SEMA4F: variants seen among roughly 807,000 people sequenced by gnomAD.
The protein encoded by SEMA4F is ssemaphorin 4F.
Under a neutral mutation model 78.4 loss-of-function variants are expected in SEMA4F, and 51 were observed. That is an observed-to-expected ratio of 0.65 (90% CI 0.52 to 0.82). SEMA4F has a LOEUF of 0.82. Ranked by LOEUF, SEMA4F falls within the 40% of genes least tolerant of loss-of-function variation. SEMA4F has a pLI of 0.00. For missense variants in SEMA4F, 938 were observed against 1,014.4 expected, an observed-to-expected ratio of 0.92 and a Z score of 1.02; for synonymous variants, 418 against 408.7, an observed-to-expected ratio of 1.02 and a Z score of -0.27.
At chr2:74,667,569 CT>C (rs1323261883) in intron 5 of SEMA4F, among the ~76,000 whole-genome samples, 10 of 152,166 alleles carry the variant, frequency 6.6e-5, no homozygotes, top group Non-Finnish European at 1.2e-4. Flanking sequence ...ACTTCTATTT[CT>C]TTTGGGAAAG....
the SEMA4F span, among the ~76,000 whole-genome samples, chr2:74,693,202 T>G: frequency 6.6e-6 from 1 of 152,386 alleles, no homozygotes; most frequent in South Asian, 2.1e-4. Context: ...TGTTATTCTA[T>G]ATCATCATCC....
At position 74,680,275 on chromosome 2, in the gene SEMA4F, G is replaced by A. The variant is rs1235261921; in HGVS notation, c.*66G>A. On this transcript the variant is annotated 3_prime_UTR_variant, in exon 14 of 14. Coordinates refer to ENST00000357877, the MANE Select transcript of SEMA4F (RefSeq NM_004263.5). Reference sequence around the variant, plus strand: ...ACGGAGTGACCACTGAGATGCTGGGGGTCACTGGGCCTGGAAGACCATCCC... The same window carrying A: ...ACGGAGTGACCACTGAGATGCTGGGAGTCACTGGGCCTGGAAGACCATCCC... 2.0e-6 allele frequency: 3 copies of A among 1,500,170 alleles called. No homozygotes were observed. Among genetic ancestry groups the A allele is most frequent in the South Asian group, 1.4e-5 (1 of 73,420 alleles). 92.9% of individuals were successfully genotyped at this position (1,500,170 alleles called of 1,614,324 possible). A position where few individuals can be genotyped will look rare whatever the true frequency, so the allele number is the denominator to read the frequency against.
chr2:74,675,245 C>T lies in SEMA4F; in HGVS notation c.1233C>T (p.His411=). The change falls in exon 10 of 14, where the codon CAC becomes CAT. Residue 411 remains histidine, a synonymous_variant. Transcript: ENST00000357877. ...PDRVLTFIRD[H]PLMDRPVFPA... is the part of the protein sequence containing the mutation. ...GCGTACTCACCTTCATCCGGGACCA[C>T]CCACTCATGGACAGGCCAGTGTTTC... is the stretch of plus-strand genomic sequence containing the variant. 6.2e-7 allele frequency: 1 copy of T among 1,614,202 alleles called. No individual in the cohort carries two copies. Among genetic ancestry groups the T allele is most frequent in the East Asian group, 2.2e-5 (1 of 44,884 alleles).
the SEMA4F span, among the ~76,000 whole-genome samples, chr2:74,689,929 A>G: frequency 6.6e-6 from 1 of 152,350 alleles, no homozygotes; most frequent in African/African-American, 2.4e-5. Context: ...TGTCCTGGCT[A>G]ATAGGAATGA....
Position 74,680,077 on chromosome 2 carries a change from G to A in SEMA4F, c.2181G>A (p.Pro727=), listed in dbSNP as rs772548694. 23 of 1,613,888 alleles carry A rather than the reference G, an allele frequency of 1.4e-5. No individual in the cohort carries two copies. The Admixed American group carries it at 1.7e-4, about 12-fold the overall frequency. Residue 727 remains proline, a synonymous_variant, in exon 14 of 14, where the codon CCG becomes CCA. Transcript: ENST00000357877. The part of the protein sequence containing the change: ...PSPSPEDERL[P]LALAKRGSGF... ...CCTCTCCTGAAGATGAGCGGTTGCC[G>A]CTGGCCCTGGCCAAGAGGGGCAGTG...
At chr2:74,659,558 G>T (rs1684329029) in intron 4 of SEMA4F, among the ~76,000 whole-genome samples, 2 of 152,146 alleles carry the variant, frequency 1.3e-5, no homozygotes, top group Admixed American at 1.3e-4. Flanking sequence ...CTCCTGTCTA[G>T]CAGGCTTATG....
At chr2:74,701,911 T>C in the SEMA4F span, among the ~76,000 whole-genome samples, 2 of 151,830 alleles carry the variant, frequency 1.3e-5, no homozygotes, top group Admixed American at 6.6e-5. Context: ...ATCCCAGAGG[T>C]CAACCATTCC....
rs375899286 is a variant in SEMA4F at position 74,673,546 on chromosome 2, C to T, written c.640C>T (p.Arg214Trp). ...RAVGRAEDWI[R>W]TDTLPSWLNA... ...AGTGGGTCGTGCCGAGGACTGGATT[C>T]GGACAGATACCTTGCCTTCCTGGCT... The change falls in exon 6 of 14, where the codon CGG becomes TGG. Residue 214 changes from arginine to tryptophan, a missense_variant. Arg to Trp is a moderately radical substitution (Grantham distance 101, BLOSUM62 -3). Transcript: ENST00000357877. 59 of 1,614,014 alleles carry T rather than the reference C, an allele frequency of 3.7e-5. No homozygotes were observed. Among genetic ancestry groups the T allele is most frequent in the East Asian group, 4.5e-5 (2 of 44,890 alleles).
chr2:74,673,524 G>A lies in SEMA4F; in HGVS notation c.618G>A (p.Val206=), dbSNP rs138771307. Residue 206 remains valine (V), a synonymous_variant, in exon 6 of 14, where the codon GTG becomes GTA. Coordinates refer to ENST00000357877, the MANE Select transcript of SEMA4F (RefSeq NM_004263.5). Reference sequence around the variant, plus strand: ...CGGAGCCAATTATCACCAGAGCAGTGGGTCGTGCCGAGGACTGGATTCGGA... The same window carrying A: ...CGGAGCCAATTATCACCAGAGCAGTAGGTCGTGCCGAGGACTGGATTCGGA... ...LGTEPIITRA[V]GRAEDWIRTD... is the part of the protein sequence containing the mutation. 202 of 1,614,138 alleles carry A rather than the reference G, an allele frequency of 1.3e-4. No individual in the cohort carries two copies. The highest frequency in any genetic ancestry group is 1.7e-4 in the Admixed American group (10 of 60,014).
intron 13 of SEMA4F, 124 bp downstream of exon 13, chr2:74,679,458 G>C: frequency 6.8e-7 from 1 of 1,479,406 alleles, no homozygotes; most frequent in Non-Finnish European, 9.4e-7. Context: ...CAGGAACCTC[G>C]GGCCTTAGCC....
chr2:74,657,554 T>G lies in SEMA4F; in HGVS notation c.298-11T>G, dbSNP rs776448473. 1.2e-6 allele frequency: 2 copies of G among 1,613,862 alleles called. No individual in the cohort carries two copies. ...GGAATCTGGGTGAAATGATCACTTC[T>G]CCTTTCTCAGATTGACTGGATGGTT... On this transcript the variant is annotated splice_polypyrimidine_tract_variant and intron_variant, in intron 2 of 13. Coordinates refer to ENST00000357877, the MANE Select transcript of SEMA4F (RefSeq NM_004263.5).
At chr2:74,676,073 T>G (rs1685266920) in intron 12 of SEMA4F, among the ~76,000 whole-genome samples, 164 bp downstream of exon 12, 1 of 152,246 alleles carries the variant, frequency 6.6e-6, no homozygotes, top group African/African-American at 2.4e-5. Flanking sequence ...CCATACTAGC[T>G]CATCTGTTTG....
At chr2:74,664,932 T>C (rs887694227) in intron 5 of SEMA4F, among the ~76,000 whole-genome samples, 2 of 152,176 alleles carry the variant, frequency 1.3e-5, no homozygotes, top group Admixed American at 1.3e-4. Flanking sequence ...TATAACTCTT[T>C]GATCTGTTAA....
In SEMA4F at chr2:74,659,277, C is replaced by G. The variant is rs559310258; in HGVS notation, c.456+1326C>G. On this transcript the variant is annotated intron_variant, in intron 4 of 13. Transcript: ENST00000357877. Reference sequence around the variant, plus strand: ...TTCCATTCTGCCAGGCTTGGGGATCCCATGGGTATGAATCCCAGAGCCATG... The same window carrying G: ...TTCCATTCTGCCAGGCTTGGGGATCGCATGGGTATGAATCCCAGAGCCATG... 3.3e-5 allele frequency among the ~76,000 whole-genome samples: 5 copies of G among 152,270 alleles called. No individual in the cohort carries two copies. The South Asian group carries it at 8.3e-4, about 25-fold the overall frequency.
At chr2:74,675,717 G>A (rs1471296494) in intron 11 of SEMA4F, 32 bp from the exon 12 acceptor site, 1 of 1,613,644 alleles carries the variant, frequency 6.2e-7, no homozygotes, top group Non-Finnish European at 8.5e-7. Flanking sequence ...GGGAGATCCA[G>A]TGTATTCCCC....
chr2:74,662,773 C>G lies in SEMA4F; in HGVS notation c.498C>G (p.Gly166=), dbSNP rs1031903951. ...AGCAGGTTGAAAGACTTGAGAGTGGCCGGGGGAAATGTCCTTTTGAGCCAG... is the reference window on the plus strand; with the variant it reads ...AGCAGGTTGAAAGACTTGAGAGTGGGCGGGGGAAATGTCCTTTTGAGCCAG... ...RFQQVERLES[G]RGKCPFEPAQ... is the part of the protein sequence containing the mutation. Residue 166 remains glycine (G), a synonymous_variant, in exon 5 of 14, where the codon GGC becomes GGG. Transcript: ENST00000357877. 2 of 1,614,002 alleles carry G rather than the reference C, an allele frequency of 1.2e-6. No homozygotes were observed. The highest frequency in any genetic ancestry group is 1.7e-6 in the Non-Finnish European group (2 of 1,180,012).
the SEMA4F span, among the ~76,000 whole-genome samples, chr2:74,696,321 A>AAGTAGG: frequency 6.6e-6 from 1 of 151,354 alleles, no homozygotes; most frequent in Non-Finnish European, 1.5e-5. Context: ...TCAGTCTCCC[A>AAGTAGG]AGTAGCTGGG....
chr2:74,707,546 C>A, the SEMA4F span, among the ~76,000 whole-genome samples: 1 of 151,336 alleles, frequency 6.6e-6, no homozygotes, highest in African/African-American at 2.4e-5. Context: ...TGCTTCTGGC[C>A]AAAGTGGAGT....
chr2:74,655,387 G>A, intron 1 of SEMA4F: 1 of 295,836 alleles, frequency 3.4e-6, no homozygotes, highest in Non-Finnish European at 7.4e-6. Context: ...ACTCTGCTGA[G>A]GTGGGTATGA....
Sources: allele counts gnomAD v4.1 joint callset (sites outside exome capture counted in the v4.1 genomes callset), GRCh38; gene constraint gnomAD v4.1.1; transcripts MANE v1.5; gene names NCBI Gene and HGNC (gene_info 2026-07-23, HGNC 2026-07-21).